Variants in CCDC69 observed in about 807,000 individuals in gnomAD.
CCDC69 encodes coiled-coil domain containing 69.
In CCDC69, 38 loss-of-function variants were observed where a neutral mutation model predicts 40.3. The observed-to-expected ratio is 0.94, with a 90% CI of 0.73 to 1.24. The LOEUF is 1.24. Among genes scored for constraint, CCDC69 ranks in the 50% most tolerant of loss-of-function variants. The pLI is 0.00. For missense variants in CCDC69, 389 were observed against 357.9 expected (o/e 1.09, Z -0.70); for synonymous variants, 141 against 138.9 (o/e 1.02, Z -0.11).
At position 151,182,037 on chromosome 5, in the gene CCDC69, T is replaced by A. The variant is rs1766638948; in HGVS notation, c.*1400A>T. ...GATGATGTCACTATAGAATGACTGATGAAAAATGCAGATTGACTGTTCTGA... is the reference window on the plus strand; with the variant it reads ...GATGATGTCACTATAGAATGACTGAAGAAAAATGCAGATTGACTGTTCTGA... On this transcript the variant is annotated 3_prime_UTR_variant, in exon 9 of 9. Transcript: ENST00000355417. 1 of 152,234 alleles carries A rather than the reference T, an allele frequency of 6.6e-6. No homozygotes were observed. The allele number at this position is 152,234 out of a possible 1,614,324, so 9.4% of individuals were successfully genotyped here.
At chr5:151,189,274 C>G (rs1752569748) in intron 4 of CCDC69, among the ~76,000 whole-genome samples, 1 of 151,714 alleles carries the variant, frequency 6.6e-6, no homozygotes, top group African/African-American at 2.4e-5. Context: ...AAAGTCTTAG[C>G]AAATAAATAG....
Position 151,183,129 on chromosome 5 carries a change from C to T in CCDC69, c.*308G>A. ...TGTCAAATGGCCAGCGTGACACAGA[C>T]TGCCCCTGGGAAAGCCTCGGAACTT... On this transcript the variant is annotated 3_prime_UTR_variant, in exon 9 of 9. Transcript: ENST00000355417. The T allele has an allele frequency of 1.9e-6, 1 of 521,446 alleles. No homozygotes were observed. Among genetic ancestry groups the T allele is most frequent in the Non-Finnish European group, 3.7e-6 (1 of 273,922 alleles). The allele number at this position is 521,446 out of a possible 1,614,324, so 32.3% of individuals were successfully genotyped here.
chr5:151,205,357 C>T, intron 2 of CCDC69, 43 bp downstream of exon 2: 1 of 1,454,780 alleles, frequency 6.9e-7, no homozygotes. Context: ...AGGTAGGAAC[C>T]TCACAGATGG....
chr5:151,223,833 A>G, intron 1 of CCDC69, 90 bp downstream of exon 1: 7 of 1,331,672 alleles, frequency 5.3e-6, no homozygotes, highest in Non-Finnish European at 6.3e-6. Context: ...GGCCGACCAG[A>G]GAGAGCCCGG....
intron 1 of CCDC69, among the ~76,000 whole-genome samples, chr5:151,214,239 G>A (rs921745425): frequency 1.3e-5 from 2 of 152,146 alleles, no homozygotes; most frequent in African/African-American, 2.4e-5. Flanking sequence ...CTGCCTTTCC[G>A]GTGTCTGGCC....
At chr5:151,221,554 G>A (rs1753135242) in intron 1 of CCDC69, among the ~76,000 whole-genome samples, 1 of 152,204 alleles carries the variant, frequency 6.6e-6, no homozygotes, top group Non-Finnish European at 1.5e-5. Flanking sequence ...ATAAGGCAAT[G>A]AGCACCAGAT....
At chr5:151,202,225 A>G (rs893296208) in intron 2 of CCDC69, among the ~76,000 whole-genome samples, 2 of 147,220 alleles carry the variant, frequency 1.4e-5, no homozygotes, top group Non-Finnish European at 3.0e-5. Context: ...GCTGGGCATG[A>G]TGGCATGCAC....
At chr5:151,223,685 G>A (rs530510829) in intron 1 of CCDC69, among the ~76,000 whole-genome samples, 21 of 152,318 alleles carry the variant, frequency 1.4e-4, no homozygotes, top group African/African-American at 3.8e-4. Context: ...GCGGGAATCA[G>A]CTGCCTTTCC....
intron 3 of CCDC69, among the ~76,000 whole-genome samples, chr5:151,199,676 G>A (rs1444525441): frequency 6.6e-6 from 1 of 152,074 alleles, no homozygotes; most frequent in Non-Finnish European, 1.5e-5. Flanking sequence ...TCTAGCCCCA[G>A]CATACCACTG....
intron 2 of CCDC69, among the ~76,000 whole-genome samples, chr5:151,204,935 G>A (rs1013234342): frequency 6.6e-6 from 1 of 152,086 alleles, no homozygotes; most frequent in Non-Finnish European, 1.5e-5. Context: ...GTGATGCTGA[G>A]TTTTGGGTAC....
At chr5:151,218,615 C>G (rs1273983992) in intron 1 of CCDC69, among the ~76,000 whole-genome samples, 1 of 152,238 alleles carries the variant, frequency 6.6e-6, no homozygotes, top group Non-Finnish European at 1.5e-5. Context: ...TCTATGCACC[C>G]TGAGATGTCA....
At position 151,182,942 on chromosome 5, in the gene CCDC69, A is replaced by C; in HGVS notation, c.*495T>G. ...AGACAATCCTAGAATGGGACACTGC[A>C]GTGACATAAGAGTCCTTTGACCAGT... On this transcript the variant is annotated 3_prime_UTR_variant, in exon 9 of 9. Coordinates refer to ENST00000355417, the MANE Select transcript of CCDC69 (RefSeq NM_015621.3). 2.3e-6 allele frequency: 1 copy of C among 426,508 alleles called. No individual in the cohort carries two copies. The highest frequency in any genetic ancestry group is 4.8e-6 in the Non-Finnish European group (1 of 209,864). 26.4% of individuals were successfully genotyped at this position (426,508 alleles called of 1,614,324 possible). A position where few individuals can be genotyped will look rare whatever the true frequency, so the allele number is the denominator to read the frequency against.
Position 151,186,057 on chromosome 5 carries a change from GA to G in CCDC69, c.460del (p.Ser154ProfsTer3). On this transcript the variant is annotated frameshift_variant, in exon 6 of 9. Coordinates refer to ENST00000355417, the MANE Select transcript of CCDC69 (RefSeq NM_015621.3). LOFTEE classifies it high-confidence loss of function. ...FQAKMKRVEE[S>X]ILSRNYKKHI... ...TTTCTTATAGTTTCGGCTCAGAATG[GA>G]CTCCTCCACCCTCTTCATTTTGGCC... 1.2e-6 allele frequency: 2 copies of G among 1,614,008 alleles called. No homozygotes were observed. The highest frequency in any genetic ancestry group is 2.7e-5 in the African/African-American group (2 of 75,008).
chr5:151,197,052 C>G (rs1241436414), intron 4 of CCDC69, among the ~76,000 whole-genome samples: 1 of 151,824 alleles, frequency 6.6e-6, no homozygotes, highest in Admixed American at 6.6e-5. Flanking sequence ...AGTGTAGATG[C>G]ATGCTGCAAC....
chr5:151,182,825 G>C lies in CCDC69; in HGVS notation c.*612C>G. ...GGCTGCCTGGCCCTGTCAGCCCCAA[G>C]GGCCTTCAGAGACCCCCTCTCTACC... On this transcript the variant is annotated 3_prime_UTR_variant, in exon 9 of 9. Coordinates refer to ENST00000355417, the MANE Select transcript of CCDC69 (RefSeq NM_015621.3). 1 of 348,534 alleles carries C rather than the reference G, an allele frequency of 2.9e-6. No individual in the cohort carries two copies. Among genetic ancestry groups the C allele is most frequent in the East Asian group, 7.6e-5 (1 of 13,144 alleles). 21.6% of individuals were successfully genotyped at this position (348,534 alleles called of 1,614,324 possible). A position where few individuals can be genotyped will look rare whatever the true frequency, so the allele number is the denominator to read the frequency against.
At chr5:151,212,679 T>C (rs976764772) in intron 1 of CCDC69, 4 of 416,310 alleles carry the variant, frequency 9.6e-6, no homozygotes, top group Non-Finnish European at 9.7e-6. Context: ...AACCAAATTA[T>C]AGGAGGGGCT....
At chr5:151,187,299 G>A (rs1752537701) in intron 5 of CCDC69, 87 bp downstream of exon 5, 1 of 1,199,998 alleles carries the variant, frequency 8.3e-7, no homozygotes. Context: ...CACGTAATCA[G>A]TTTTGGCTGC....
rs552055432 is a variant in CCDC69, at chr5:151,193,237, G to T, written c.319+5760C>A. Reference sequence around the variant, plus strand: ...AACCATCTAAAGAAAAACCAGGCCAGATGCGGTGGCTCACACCTGCAATCC... The same window carrying T: ...AACCATCTAAAGAAAAACCAGGCCATATGCGGTGGCTCACACCTGCAATCC... On this transcript the variant is annotated intron_variant, in intron 4 of 8. Coordinates refer to ENST00000355417, the MANE Select transcript of CCDC69 (RefSeq NM_015621.3). Among the ~76,000 whole-genome samples the T allele has an allele frequency of 2.0e-5, 3 of 150,640 alleles. No individual in the cohort carries two copies. In the East Asian group the frequency reaches 5.8e-4, roughly 29 times the overall value.
intron 3 of CCDC69, among the ~76,000 whole-genome samples, chr5:151,201,073 G>A (rs1752768866): frequency 6.6e-6 from 1 of 152,218 alleles, no homozygotes; most frequent in Admixed American, 6.5e-5. Flanking sequence ...TTGTGTGGCA[G>A]GGAGCTCTGC....
Sources: allele counts gnomAD v4.1 joint callset (sites outside exome capture counted in the v4.1 genomes callset), GRCh38; gene constraint gnomAD v4.1.1; transcripts MANE v1.5; gene names NCBI Gene and HGNC (gene_info 2026-07-23, HGNC 2026-07-21).